The following CFAP74 variants were observed in gnomAD, a reference collection of about 807,000 sequenced individuals.
CFAP74 encodes cilia- and flagella-associated protein 74.
A neutral mutation model predicts 188.9 loss-of-function variants in CFAP74; 124 were observed. That is an observed-to-expected ratio of 0.66 (90% confidence interval 0.57 to 0.76). The LOEUF is 0.76. Among genes scored for constraint, CFAP74 ranks in the 30% least tolerant of loss-of-function variants. The pLI is 0.00. For synonymous variants in CFAP74, 956 were observed against 916.7 expected (o/e 1.04, Z -0.77); for missense variants, 2,198 against 2,165.2 (o/e 1.02, Z -0.30).
intron 13 of CFAP74, among the ~76,000 whole-genome samples, chr1:1,964,420 C>T (rs1049189192): frequency 3.9e-5 from 6 of 152,248 alleles, no homozygotes; most frequent in Non-Finnish European, 8.8e-5. Flanking sequence ...GGCCCTCTCC[C>T]TCCACCTCCT....
chr1:1,974,420 G>C (rs527541071), intron 6 of CFAP74, among the ~76,000 whole-genome samples: 109 of 152,286 alleles, frequency 7.2e-4, no homozygotes, highest in African/African-American at 2.6e-3. Flanking sequence ...AATCCAGCCC[G>C]GCTAGAGCCT....
Position 1,926,996 on chromosome 1 carries a change from A to C in CFAP74, c.3560T>G (p.Leu1187Arg). ...AAACTTCGCCTGGAACGCTCTGAGC[A>C]GGGTGGCTCGGGCGGCCTGGTACTC... ...SDEYQAARAT[L>R]LRAFQAKFDT... Residue 1187 changes from leucine (L) to arginine (R), a missense_variant, in exon 29 of 39, where the codon CTG becomes CGG. Physicochemically the swap from Leu to Arg is moderately radical, Grantham distance 102. Coordinates refer to ENST00000682832, the MANE Select transcript of CFAP74 (RefSeq NM_001304360.2). The C allele has an allele frequency of 6.5e-7, 1 of 1,550,268 alleles. No homozygotes were observed. The highest frequency in any genetic ancestry group is 8.7e-7 in the Non-Finnish European group (1 of 1,146,876).
chr1:1,998,666 A>C (rs1283662826), intron 1 of CFAP74, among the ~76,000 whole-genome samples: 1 of 152,076 alleles, frequency 6.6e-6, no homozygotes, highest in Non-Finnish European at 1.5e-5. Context: ...TGAGGTCAGG[A>C]GATCAAGACC....
At chr1:1,971,106 T>TGTGCACACATGCTCACAC (rs1655978241) in intron 9 of CFAP74, among the ~76,000 whole-genome samples, 1 of 123,788 alleles carries the variant, frequency 8.1e-6, no homozygotes, top group African/African-American at 3.5e-5. Context: ...CCTGCACACG[T>TGTGCACACATGCTCACAC]GTGCACACAC....
Position 1,968,761 on chromosome 1 carries a change from C to A in CFAP74, c.1119G>T (p.Glu373Asp). The change falls in exon 11 of 39, where the codon GAG becomes GAT. Residue 373 changes from glutamate (E) to aspartate (D), a missense_variant. Physicochemically the swap from Glu to Asp is conservative, Grantham distance 45. Transcript: ENST00000682832. This position sits in a 1 kb window ranked among gnomAD's most constrained non-coding sequence, Gnocchi z 4.3. ...GGGGATGCTGTTTCTTCCTCTTTTC[C>A]TCCTCAGCCTCCTCTTTCAGAATCC... ...ISRILKEEAE[E>D]EKRKKQHPPT... The A allele has an allele frequency of 1.9e-6, 3 of 1,614,118 alleles. No individual in the cohort carries two copies. The highest frequency in any genetic ancestry group is 2.5e-6 in the Non-Finnish European group (3 of 1,179,982).
intron 1 of CFAP74, among the ~76,000 whole-genome samples, chr1:1,998,333 G>T (rs1049469591): frequency 2.0e-5 from 3 of 152,084 alleles, no homozygotes; most frequent in Non-Finnish European, 4.4e-5. Flanking sequence ...TTGTGGTTAT[G>T]CTAAAAATGA....
intron 12 of CFAP74, among the ~76,000 whole-genome samples, chr1:1,965,279 C>T (rs991160040): frequency 6.6e-6 from 1 of 152,192 alleles, no homozygotes; most frequent in African/African-American, 2.4e-5. Context: ...GCTCCATTGA[C>T]AAGGCAGGGA....
At chr1:1,960,520 C>T (rs1329621633) in intron 14 of CFAP74, among the ~76,000 whole-genome samples, 2 of 152,222 alleles carry the variant, frequency 1.3e-5, no homozygotes, top group Non-Finnish European at 2.9e-5. Flanking sequence ...CAAAAATAGC[C>T]CCTACTGCAC....
At chr1:1,987,165 GTCTC>G (rs1657294267) in intron 4 of CFAP74, 130 bp from the exon 5 acceptor site, 1 of 681,774 alleles carries the variant, frequency 1.5e-6, no homozygotes, top group Middle Eastern at 2.6e-4. Context: ...CGGGCCAGGG[GTCTC>G]TCTAACACCT....
Position 1,924,533 on chromosome 1 carries a change from G to A in CFAP74, c.4105-13C>T. ...AGTTGTTCTGCAGCTGCAGAGAGCA[G>A]GCCGCGGTCACTGCCCGCCAGCCCC... is the stretch of plus-strand genomic sequence containing the variant. On this transcript the variant is annotated splice_polypyrimidine_tract_variant and intron_variant, in intron 33 of 38. Transcript: ENST00000682832. 1 of 1,597,358 alleles carries A rather than the reference G, an allele frequency of 6.3e-7. No homozygotes were observed. The highest frequency in any genetic ancestry group is 8.5e-7 in the Non-Finnish European group (1 of 1,172,782).
intron 6 of CFAP74, among the ~76,000 whole-genome samples, chr1:1,980,746 C>T (rs911038924): frequency 3.3e-5 from 5 of 152,310 alleles, no homozygotes; most frequent in South Asian, 2.1e-4. Context: ...CAAGGACCCT[C>T]GGCTGTTCAT....
At position 1,922,267 on chromosome 1, in the gene CFAP74, AG is replaced by A. The variant is rs1347801403; in HGVS notation, c.*19del. 6.3e-7 allele frequency: 1 copy of A among 1,593,908 alleles called. No individual in the cohort carries two copies. Among genetic ancestry groups the A allele is most frequent in the Admixed American group, 1.7e-5 (1 of 58,742 alleles). On this transcript the variant is annotated 3_prime_UTR_variant, in exon 39 of 39. Transcript: ENST00000682832. ...CTTTGAGGGTGGACAGGAGGGCCCG[AG>A]GGTGCTCTGTGCAGAGGCTTAGGGG...
At chr1:1,955,148 C>T in intron 18 of CFAP74, 1 of 1,285,642 alleles carries the variant, frequency 7.8e-7, no homozygotes, top group Non-Finnish European at 1.0e-6. Context: ...GAACGCGCAC[C>T]ACGCGAAGAC....
intron 14 of CFAP74, 57 bp downstream of exon 14, chr1:1,963,692 T>C: frequency 5.4e-6 from 6 of 1,117,680 alleles, no homozygotes; most frequent in Non-Finnish European, 8.1e-6. Context: ...TGAAGGGACC[T>C]ATGAACCTCC....
At chr1:1,936,227 A>G (rs2102041368) in intron 25 of CFAP74, among the ~76,000 whole-genome samples, 1 of 147,748 alleles carries the variant, frequency 6.8e-6, no homozygotes, top group Non-Finnish European at 1.5e-5. Context: ...CAAAAAAAAA[A>G]AAAAGAAAAA....
chr1:1,985,486 C>T lies in CFAP74; in HGVS notation c.400G>A (p.Ala134Thr), dbSNP rs1446994577. 16 of 1,613,360 alleles carry T rather than the reference C, an allele frequency of 9.9e-6. No homozygotes were observed. Among genetic ancestry groups the T allele is most frequent in the East Asian group, 2.2e-5 (1 of 44,888 alleles). Residue 134 changes from alanine to threonine, a missense_variant, in exon 6 of 39, where the codon GCT (alanine) becomes ACT (threonine). Transcript: ENST00000682832. ...ATEEEAGNMA[A>T]VGRLQAVSRR... ...GACACGGCCTGGAGGCGGCCCACAG[C>T]GGCCCTGCAGTGGTGAACGGACAGG...
chr1:1,943,909 T>G (rs1653561518), intron 21 of CFAP74, among the ~76,000 whole-genome samples: 1 of 152,154 alleles, frequency 6.6e-6, no homozygotes, highest in Admixed American at 6.5e-5. Flanking sequence ...AGCTGCAGTG[T>G]CCCCGGGCTC....
intron 34 of CFAP74, 95 bp from the exon 35 acceptor site, chr1:1,924,024 C>T (rs1408440419): frequency 5.3e-6 from 7 of 1,313,910 alleles, no homozygotes; most frequent in African/African-American, 3.0e-5. Flanking sequence ...CCCTGCCCGC[C>T]CCCCTGCAGA....
At chr1:1,997,721 T>C (rs1338338009) in intron 1 of CFAP74, among the ~76,000 whole-genome samples, 1 of 152,058 alleles carries the variant, frequency 6.6e-6, no homozygotes, top group African/African-American at 2.4e-5. Context: ...CTACAGAGAA[T>C]GCGAGGAACC....
Sources: gnomAD v4.1 joint callset for allele counts (sites outside exome capture counted in the v4.1 genomes callset) on GRCh38, gnomAD v4.1.1 for gene constraint, Gnocchi (gnomAD v3.1) non-coding constraint, MANE v1.5 for transcripts, NCBI Gene and HGNC (gene_info 2026-07-23, HGNC 2026-07-21) for gene names.